Variants in KCNH1 observed in about 807,000 individuals in gnomAD.
The protein encoded by KCNH1 is potassium voltage-gated channel subfamily H member 1.
In KCNH1, 27 loss-of-function variants were observed where a neutral mutation model predicts 69.2. The observed-to-expected ratio is 0.39, with a 90% CI of 0.29 to 0.54. The LOEUF is 0.54. Ranked by LOEUF, KCNH1 falls within the 20% of genes least tolerant of loss-of-function variation. The pLI is 0.68. For missense variants in KCNH1, 798 were observed against 1,261.6 expected (o/e 0.63, Z 5.57); for synonymous variants, 456 against 487.7 (o/e 0.93, Z 0.86).
At chr1:210,869,139 T>A (rs1325216815) in intron 7 of KCNH1, among the ~76,000 whole-genome samples, 2 of 152,136 alleles carry the variant, frequency 1.3e-5, no homozygotes, top group African/African-American at 4.8e-5. Flanking sequence ...ATGTGAGTAT[T>A]GTTATCTTTG....
At chr1:210,760,823 C>G (rs1441493018) in intron 10 of KCNH1, among the ~76,000 whole-genome samples, 1 of 152,134 alleles carries the variant, frequency 6.6e-6, no homozygotes, top group Non-Finnish European at 1.5e-5. Flanking sequence ...AGGGAAAGAC[C>G]TGCCCCTATG....
At chr1:210,998,670 C>T (rs1258930997) in intron 6 of KCNH1, among the ~76,000 whole-genome samples, 2 of 152,180 alleles carry the variant, frequency 1.3e-5, no homozygotes, top group South Asian at 2.1e-4. Context: ...ACCTAATAGA[C>T]ATCTACAGAA....
Position 210,685,811 on chromosome 1 carries a change from A to G in KCNH1, c.2113-1673T>C, listed in dbSNP as rs145382867. Among the ~76,000 whole-genome samples the G allele has an allele frequency of 3.3e-3, 509 of 152,280 alleles. 2 individuals carry two copies. Among genetic ancestry groups the G allele is most frequent in the African/African-American group, 0.012 (479 of 41,540 alleles). On this transcript the variant is annotated intron_variant, in intron 10 of 10. Transcript: ENST00000271751. ...CAGGTTCTCAGGTATGACCAACAAG[A>G]TGATTGTTTTATAGTGCCCAACACA... is the stretch of plus-strand genomic sequence containing the variant.
chr1:211,098,258 T>G (rs1691193757), intron 3 of KCNH1, among the ~76,000 whole-genome samples: 1 of 150,720 alleles, frequency 6.6e-6, no homozygotes, highest in Admixed American at 6.7e-5. Context: ...GATGCAGAGG[T>G]TGCAGTGAGC....
chr1:210,851,863 T>G (rs1039351640), intron 7 of KCNH1, among the ~76,000 whole-genome samples: 17 of 152,188 alleles, frequency 1.1e-4, no homozygotes, highest in Admixed American at 1.0e-3. Flanking sequence ...TTACGCGGTT[T>G]GTTGTTGAGT....
chr1:211,107,707 G>A (rs931551745), intron 1 of KCNH1, among the ~76,000 whole-genome samples: 8 of 152,144 alleles, frequency 5.3e-5, no homozygotes, highest in Non-Finnish European at 1.5e-5. Context: ...TCCCAGTGAA[G>A]GTATACCAAT....
intron 10 of KCNH1, among the ~76,000 whole-genome samples, 197 bp downstream of exon 10, chr1:210,775,151 C>T: frequency 6.6e-6 from 1 of 152,172 alleles, no homozygotes; most frequent in East Asian, 1.9e-4. Context: ...CAAAACGGAT[C>T]CATCTTCTAA....
intron 6 of KCNH1, among the ~76,000 whole-genome samples, chr1:210,982,218 AC>A (rs1356797333): frequency 8.5e-6 from 1 of 117,636 alleles, no homozygotes; most frequent in African/African-American, 3.7e-5. Context: ...ATGCGAGAAT[AC>A]TTTTATTATT....
intron 10 of KCNH1, among the ~76,000 whole-genome samples, chr1:210,703,055 T>C (rs1185815186): frequency 1.3e-5 from 2 of 152,116 alleles, no homozygotes; most frequent in Non-Finnish European, 2.9e-5. Flanking sequence ...AATTTTATTA[T>C]TTTAATTAAT....
intron 1 of KCNH1, among the ~76,000 whole-genome samples, chr1:211,115,364 T>A (rs1005741849): frequency 2.0e-5 from 3 of 152,160 alleles, no homozygotes; most frequent in Non-Finnish European, 4.4e-5. Flanking sequence ...GATTTAAGGA[T>A]GCAAAGTATT....
intron 7 of KCNH1, among the ~76,000 whole-genome samples, chr1:210,864,085 AG>A (rs1220930599): frequency 6.6e-6 from 1 of 152,220 alleles, no homozygotes; most frequent in Non-Finnish European, 1.5e-5. Context: ...GCTAATTTAC[AG>A]GAAACATGCA....
chr1:211,095,295 G>T (rs905842974), intron 3 of KCNH1, among the ~76,000 whole-genome samples: 1 of 152,160 alleles, frequency 6.6e-6, no homozygotes, highest in African/African-American at 2.4e-5. Flanking sequence ...ATCCTTTATT[G>T]AAGAAAGATC....
chr1:211,053,643 C>T (rs1690248585), intron 5 of KCNH1, among the ~76,000 whole-genome samples: 1 of 152,206 alleles, frequency 6.6e-6, no homozygotes, highest in African/African-American at 2.4e-5. Flanking sequence ...AGAATTTACA[C>T]TGCTTTCATA....
At chr1:210,886,744 G>A (rs1453177174) in intron 7 of KCNH1, among the ~76,000 whole-genome samples, 1 of 151,782 alleles carries the variant, frequency 6.6e-6, no homozygotes, top group Non-Finnish European at 1.5e-5. Context: ...AGAACTTCGT[G>A]AATATACACA....
intron 6 of KCNH1, among the ~76,000 whole-genome samples, chr1:210,944,246 G>T (rs1687920520): frequency 6.6e-6 from 1 of 152,204 alleles, no homozygotes; most frequent in African/African-American, 2.4e-5. Context: ...AATGAGTACT[G>T]GTGGCAGTAG....
chr1:210,955,297 T>C (rs1688149178), intron 6 of KCNH1, among the ~76,000 whole-genome samples: 1 of 152,238 alleles, frequency 6.6e-6, no homozygotes, highest in African/African-American at 2.4e-5. Flanking sequence ...CTGTTTTCAC[T>C]ACTGTAGCCT....
chr1:211,120,168 AATTG>A (rs1173451842), intron 1 of KCNH1, among the ~76,000 whole-genome samples: 1 of 151,912 alleles, frequency 6.6e-6, no homozygotes, highest in Non-Finnish European at 1.5e-5. Context: ...CAATCCATTG[AATTG>A]ATTGATTATA....
chr1:210,898,683 G>GGC (rs1553357257), intron 7 of KCNH1, among the ~76,000 whole-genome samples: 1 of 151,388 alleles, frequency 6.6e-6, no homozygotes. Context: ...CGTGGCGGCG[G>GGC]GGGGGGGTCC....
intron 7 of KCNH1, among the ~76,000 whole-genome samples, chr1:210,913,478 A>G (rs1687276044): frequency 6.6e-6 from 1 of 152,328 alleles, no homozygotes; most frequent in South Asian, 2.1e-4. Flanking sequence ...AATTTTTCCA[A>G]AAAGTTGTTA....
Sources: allele counts gnomAD v4.1 joint callset (sites outside exome capture counted in the v4.1 genomes callset), GRCh38; gene constraint gnomAD v4.1.1; transcripts MANE v1.5; gene names NCBI Gene and HGNC (gene_info 2026-07-23, HGNC 2026-07-21).